DNAH11: variants seen among roughly 807,000 people sequenced by gnomAD.
The protein encoded by DNAH11 is dynein axonemal heavy chain 11.
In DNAH11, 442 loss-of-function variants were observed where a neutral mutation model predicts 526.0. The ratio of observed to expected loss-of-function variants is 0.84; its 90% confidence interval spans 0.78 to 0.91. DNAH11 has a LOEUF of 0.91. DNAH11 is among the 40% of genes least tolerant of loss of function. The pLI, the probability that DNAH11 is intolerant of heterozygous loss-of-function variation, is 0.00. For synonymous variants in DNAH11, 2,461 were observed against 1,935.9 expected, an observed-to-expected ratio of 1.27 and a Z score of -7.12; for missense variants, 6,989 against 5,448.7, an observed-to-expected ratio of 1.28 and a Z score of -8.90.
In DNAH11 at chr7:21,761,360, G is replaced by T. The variant is rs1359244121; in HGVS notation, c.8941-4068G>T. 2.6e-5 allele frequency among the ~76,000 whole-genome samples: 4 copies of T among 152,088 alleles called. 1 individual carries two copies. In the East Asian group the frequency reaches 7.7e-4, roughly 29 times the overall value. On this transcript the variant is annotated intron_variant, in intron 54 of 81. Transcript: ENST00000409508. The stretch of plus-strand genomic sequence containing the variant: ...TCTATAATTTAATTCCCAGAGTCTG[G>T]TTTAGCTGATAGAATTTAGATTACA...
chr7:21,750,136 T>C, intron 53 of DNAH11, 86 bp from the exon 54 acceptor site: 2 of 1,439,486 alleles, frequency 1.4e-6, no homozygotes, highest in South Asian at 2.9e-5. Flanking sequence ...AACTTTGTCT[T>C]GTAAAACATT....
intron 9 of DNAH11, among the ~76,000 whole-genome samples, chr7:21,582,352 G>A (rs1784341293): frequency 6.6e-6 from 1 of 152,090 alleles, no homozygotes; most frequent in Non-Finnish European, 1.5e-5. Context: ...CCTTAATTCA[G>A]GAATTTCTTT....
chr7:21,844,863 G>GC (rs1562580071), intron 66 of DNAH11, among the ~76,000 whole-genome samples: 6 of 152,124 alleles, frequency 3.9e-5, no homozygotes, highest in Admixed American at 6.5e-5. Context: ...TGGGATCAAG[G>GC]CTGGGTATCA....
At chr7:21,762,322 T>C (rs1356407457) in intron 54 of DNAH11, among the ~76,000 whole-genome samples, 4 of 152,174 alleles carry the variant, frequency 2.6e-5, no homozygotes. Context: ...ATTCCTAAGA[T>C]TGGATACTAT....
At chr7:21,765,656 A>ACACG in intron 55 of DNAH11, 67 bp downstream of exon 55, 7 of 1,230,228 alleles carry the variant, frequency 5.7e-6, no homozygotes, top group South Asian at 4.8e-5. Flanking sequence ...ACACACACAC[A>ACACG]CACTCTGAAA....
chr7:21,681,821 G>A (rs1169346094), intron 31 of DNAH11, 144 bp downstream of exon 31: 13 of 1,068,978 alleles, frequency 1.2e-5, no homozygotes, highest in Non-Finnish European at 1.7e-5. Flanking sequence ...TGTCTTGGGT[G>A]CATTTGATTT....
At chr7:21,857,385 C>T (rs944157576) in intron 68 of DNAH11, among the ~76,000 whole-genome samples, 14 of 152,082 alleles carry the variant, frequency 9.2e-5, no homozygotes, top group Non-Finnish European at 1.0e-4. Flanking sequence ...GATGTCAGTT[C>T]GCTCCAAACT....
chr7:21,651,372 A>T lies in DNAH11; in HGVS notation c.4945-4460A>T, dbSNP rs554816467. 7.9e-5 allele frequency among the ~76,000 whole-genome samples: 12 copies of T among 151,514 alleles called. No individual in the cohort carries two copies. The East Asian group carries it at 1.8e-3, about 22-fold the overall frequency. ...TTCCTTTTTTATTTTTTATTTATTT[A>T]TTTTTTTTGAGACAGAGTCTCGCTC... On this transcript the variant is annotated intron_variant, in intron 28 of 81. Transcript: ENST00000409508.
intron 46 of DNAH11, among the ~76,000 whole-genome samples, chr7:21,736,278 C>G (rs1422050038): frequency 6.6e-6 from 1 of 152,156 alleles, no homozygotes; most frequent in Non-Finnish European, 1.5e-5. Flanking sequence ...ATCTTAAAAT[C>G]ACTAGAACTA....
chr7:21,560,625 G>A (rs1382756410), intron 4 of DNAH11, among the ~76,000 whole-genome samples: 3 of 151,928 alleles, frequency 2.0e-5, no homozygotes. Flanking sequence ...AGAAGACTCA[G>A]GAAGTCTGCT....
chr7:21,717,649 C>G, intron 42 of DNAH11, 126 bp from the exon 43 acceptor site: 1 of 1,086,664 alleles, frequency 9.2e-7, no homozygotes, highest in South Asian at 1.9e-5. Context: ...AAAAATAGAA[C>G]GAACTCACTA....
chr7:21,748,345 A>G (rs1046572291), intron 51 of DNAH11, among the ~76,000 whole-genome samples: 1 of 152,086 alleles, frequency 6.6e-6, no homozygotes, highest in African/African-American at 2.4e-5. Flanking sequence ...TCAGCTGGGC[A>G]TGGTGGTGAG....
chr7:21,779,004 A>G lies in DNAH11; in HGVS notation c.9383A>G (p.Gln3128Arg), dbSNP rs1420015565. 3 of 1,613,338 alleles carry G rather than the reference A, an allele frequency of 1.9e-6. No homozygotes were observed. The highest frequency in any genetic ancestry group is 2.5e-6 in the Non-Finnish European group (3 of 1,179,598). ...ARLASQEAEL[Q>R]LRNHDAEALI... ...CTTGCCTCTCAAGAAGCCGAGCTGC[A>G]ACTGAGAAATCATGATGCCGAAGCT... The change falls in exon 57 of 82, where the codon CAA (glutamine) becomes CGA (arginine). Residue 3128 changes from glutamine to arginine, a missense_variant. Physicochemically the swap from Gln to Arg is conservative, Grantham distance 43. Transcript: ENST00000409508.
At chr7:21,724,422 T>C (rs1784994521) in intron 44 of DNAH11, among the ~76,000 whole-genome samples, 1 of 152,230 alleles carries the variant, frequency 6.6e-6, no homozygotes, top group Admixed American at 6.5e-5. Flanking sequence ...TCCAATGACA[T>C]AGGGACGTCA....
chr7:21,556,107 G>A lies in DNAH11; in HGVS notation c.496-2695G>A, dbSNP rs150699139. 1.2e-3 allele frequency among the ~76,000 whole-genome samples: 188 copies of A among 152,202 alleles called. 2 individuals are homozygous for A. Among genetic ancestry groups the A allele is most frequent in the African/African-American group, 4.4e-3 (181 of 41,530 alleles). ...CTATGGGGTTACAATTCTCACAGACGGTGCCTAAGTTTCATTATCCCCCTT... is the reference window on the plus strand; with the variant it reads ...CTATGGGGTTACAATTCTCACAGACAGTGCCTAAGTTTCATTATCCCCCTT... On this transcript the variant is annotated intron_variant, in intron 2 of 81. Coordinates refer to ENST00000409508, the MANE Select transcript of DNAH11 (RefSeq NM_001277115.2).
chr7:21,691,723 T>G (rs1174682144), intron 35 of DNAH11, among the ~76,000 whole-genome samples: 1 of 152,224 alleles, frequency 6.6e-6, no homozygotes, highest in East Asian at 1.9e-4. Flanking sequence ...TTTTATCATA[T>G]TATTAAACAA....
chr7:21,872,120 T>A (rs1783517515), intron 73 of DNAH11, among the ~76,000 whole-genome samples: 1 of 10,648 alleles, frequency 9.4e-5, no homozygotes, highest in African/African-American at 2.6e-4. Flanking sequence ...CGAGACTCTG[T>A]CTCAAAAAAA....
Position 21,579,471 on chromosome 7 carries a change from A to G in DNAH11, c.1594-2434A>G, listed in dbSNP as rs1262566139. Among the ~76,000 whole-genome samples the G allele has an allele frequency of 2.0e-5, 3 of 152,202 alleles. No homozygotes were observed. In the East Asian group the frequency reaches 5.8e-4, roughly 29 times the overall value. On this transcript the variant is annotated intron_variant, in intron 8 of 81. Coordinates refer to ENST00000409508, the MANE Select transcript of DNAH11 (RefSeq NM_001277115.2). Reference sequence around the variant, plus strand: ...AGTACAGAGTGCTCTGAGAACATTTACATAGGGCCCCTTTCCAGAGGAGGT... The same window carrying G: ...AGTACAGAGTGCTCTGAGAACATTTGCATAGGGCCCCTTTCCAGAGGAGGT...
intron 66 of DNAH11, among the ~76,000 whole-genome samples, chr7:21,848,064 G>A (rs563694720): frequency 2.0e-5 from 3 of 151,518 alleles, no homozygotes; most frequent in South Asian, 2.1e-4. Flanking sequence ...CTACTCGGGA[G>A]GCTGAGGCAG....
Sources: gnomAD v4.1 joint callset for allele counts (sites outside exome capture counted in the v4.1 genomes callset) on GRCh38, gnomAD v4.1.1 for gene constraint, MANE v1.5 for transcripts, NCBI Gene and HGNC (gene_info 2026-07-23, HGNC 2026-07-21) for gene names.